SGCD: variants seen among roughly 807,000 people sequenced by gnomAD.
The protein encoded by SGCD is delta-sarcoglycan.
SGCD carries 18 observed loss-of-function variants against 36.6 expected under a neutral mutation model. That is an observed-to-expected ratio of 0.49 (90% CI 0.34 to 0.73). SGCD has a LOEUF of 0.73. SGCD is among the 30% of genes least tolerant of loss of function. The pLI is 0.01. For synonymous variants in SGCD, 133 were observed against 130.6 expected, an observed-to-expected ratio of 1.02 and a Z score of -0.12; for missense variants, 387 against 346.7, an observed-to-expected ratio of 1.12 and a Z score of -0.92.
chr5:156,316,792 GT>G (rs1767528622), intron 3 of SGCD, among the ~76,000 whole-genome samples: 1 of 152,016 alleles, frequency 6.6e-6, no homozygotes, highest in Non-Finnish European at 1.5e-5. Flanking sequence ...AACCTACACT[GT>G]CTAAAGATTA....
chr5:155,796,531 C>T, the SGCD span, among the ~76,000 whole-genome samples: 183 of 151,630 alleles, frequency 1.2e-3, 1 homozygote, highest in African/African-American at 4.0e-3. Context: ...CGGCCGGGCG[C>T]GGTGGCTCAT....
At chr5:156,517,598 G>A (rs1396457066) in intron 4 of SGCD, among the ~76,000 whole-genome samples, 3 of 151,988 alleles carry the variant, frequency 2.0e-5, no homozygotes, top group Non-Finnish European at 4.4e-5. Flanking sequence ...TGAAAGAAAG[G>A]TTCAGGCCAC....
At chr5:156,483,874 A>C (rs1452324274) in intron 3 of SGCD, among the ~76,000 whole-genome samples, 1 of 152,244 alleles carries the variant, frequency 6.6e-6, no homozygotes, top group Non-Finnish European at 1.5e-5. Flanking sequence ...GAGCAAGTGC[A>C]CTGAGCTAAA....
intron 1 of SGCD, among the ~76,000 whole-genome samples, chr5:155,963,253 CA>C (rs1217280241): frequency 1.3e-5 from 2 of 152,036 alleles, no homozygotes; most frequent in Non-Finnish European, 2.9e-5. Context: ...AAAAAAGAAA[CA>C]AAAAATATAT....
At chr5:155,780,428 T>A in the SGCD span, among the ~76,000 whole-genome samples, 5 of 152,178 alleles carry the variant, frequency 3.3e-5, no homozygotes, top group Non-Finnish European at 7.4e-5. Context: ...GCGGAACTCC[T>A]GTCAGAGTTC....
chr5:156,381,841 A>G (rs1482929737), intron 3 of SGCD, among the ~76,000 whole-genome samples: 2 of 152,240 alleles, frequency 1.3e-5, no homozygotes, highest in East Asian at 1.9e-4. Context: ...GAACTTGAGT[A>G]AGTTACTGAA....
chr5:155,930,411 A>C (rs993378140), intron 1 of SGCD, among the ~76,000 whole-genome samples: 7 of 152,230 alleles, frequency 4.6e-5, no homozygotes, highest in Admixed American at 2.0e-4. Context: ...TTGTGCAAGC[A>C]AGATGCTTCT....
At chr5:156,366,171 C>A (rs1770096668) in intron 3 of SGCD, among the ~76,000 whole-genome samples, 1 of 152,204 alleles carries the variant, frequency 6.6e-6, no homozygotes, top group South Asian at 2.1e-4. Flanking sequence ...TAAGTTTTTC[C>A]TCTTTGCTGT....
At chr5:156,674,460 A>G (rs1347355026) in intron 7 of SGCD, among the ~76,000 whole-genome samples, 1 of 152,198 alleles carries the variant, frequency 6.6e-6, no homozygotes, top group Non-Finnish European at 1.5e-5. Context: ...GGCAGAGACA[A>G]AAGTGAAACA....
chr5:156,342,434 G>A (rs906671426), intron 2 of SGCD, among the ~76,000 whole-genome samples: 20 of 152,310 alleles, frequency 1.3e-4, no homozygotes, highest in Non-Finnish European at 2.4e-4. Context: ...TTCACAATTA[G>A]TTGATTAATA....
chr5:156,332,453 G>A (rs4705006), intron 2 of SGCD, among the ~76,000 whole-genome samples: 114,602 of 152,108 alleles, frequency 0.75, 44,177 homozygotes, highest in African/African-American at 0.92. Flanking sequence ...CATTGACCCC[G>A]CTATCTGACC....
chr5:156,143,236 T>C (rs1762618110), intron 3 of SGCD, among the ~76,000 whole-genome samples: 3 of 152,242 alleles, frequency 2.0e-5, no homozygotes, highest in Non-Finnish European at 1.5e-5. Flanking sequence ...GTGAGTGCAC[T>C]GAATGCAAAT....
At chr5:155,963,966 G>A (rs11959572) in intron 1 of SGCD, among the ~76,000 whole-genome samples, 6,082 of 152,088 alleles carry the variant, frequency 0.04, 157 homozygotes, top group Middle Eastern at 0.062. Flanking sequence ...AACAACATTC[G>A]TTGTTCCTAA....
At chr5:156,450,946 C>A (rs1238006132) in intron 3 of SGCD, among the ~76,000 whole-genome samples, 1 of 152,080 alleles carries the variant, frequency 6.6e-6, no homozygotes, top group Non-Finnish European at 1.5e-5. Context: ...TATGCAGACT[C>A]CAATAATTCC....
intron 1 of SGCD, among the ~76,000 whole-genome samples, chr5:156,017,853 A>G (rs1411671451): frequency 6.6e-6 from 1 of 152,136 alleles, no homozygotes; most frequent in Non-Finnish European, 1.5e-5. Context: ...TTTGACATTC[A>G]TATTGACATT....
chr5:156,070,739 C>T (rs1267570816), intron 1 of SGCD, among the ~76,000 whole-genome samples: 7 of 152,022 alleles, frequency 4.6e-5, no homozygotes, highest in South Asian at 2.1e-4. Flanking sequence ...TGGTAGAATT[C>T]GGCTGTGAAT....
intron 1 of SGCD, among the ~76,000 whole-genome samples, chr5:155,993,998 G>A (rs1374962766): frequency 6.6e-6 from 1 of 152,168 alleles, no homozygotes; most frequent in Non-Finnish European, 1.5e-5. Flanking sequence ...AGAGCACGTG[G>A]AATGAGAGAT....
intron 1 of SGCD, among the ~76,000 whole-genome samples, chr5:156,114,941 A>T (rs1761876056): frequency 6.6e-6 from 1 of 152,110 alleles, no homozygotes; most frequent in East Asian, 1.9e-4. Flanking sequence ...AGCAGGTAAT[A>T]GTCCAGATAT....
intron 3 of SGCD, among the ~76,000 whole-genome samples, chr5:156,283,463 T>A (rs537481189): frequency 6.6e-6 from 1 of 152,180 alleles, no homozygotes; most frequent in African/African-American, 2.4e-5. Flanking sequence ...AGTATTTTTT[T>A]CCAAAAATTT....
Sources: gnomAD v4.1 joint callset for allele counts (sites outside exome capture counted in the v4.1 genomes callset) on GRCh38, gnomAD v4.1.1 for gene constraint, MANE v1.5 for transcripts, NCBI Gene and HGNC (gene_info 2026-07-23, HGNC 2026-07-21) for gene names.